PPM1H: variants seen among roughly 807,000 people sequenced by gnomAD.
The protein encoded by PPM1H is protein phosphatase, Mg2+/Mn2+ dependent 1H.
Under a neutral mutation model 54.9 loss-of-function variants are expected in PPM1H, and 27 were observed. The observed-to-expected ratio is 0.49, with a 90% CI of 0.36 to 0.68. PPM1H has a LOEUF of 0.68. Among genes scored for constraint, PPM1H ranks in the 30% least tolerant of loss-of-function variants. The pLI is 0.00. For missense variants in PPM1H, 596 were observed against 667.8 expected (o/e 0.89, Z 1.19); for synonymous variants, 305 against 270.8 (o/e 1.13, Z -1.24).
chr12:62,752,051 G>A (rs571067603), intron 4 of PPM1H, among the ~76,000 whole-genome samples: 10 of 152,286 alleles, frequency 6.6e-5, no homozygotes, highest in Middle Eastern at 6.8e-3. Flanking sequence ...TTGGGTTTGG[G>A]AGCTGGCTGT....
chr12:62,656,292 T>TACTC (rs1007386765), intron 9 of PPM1H, among the ~76,000 whole-genome samples: 1 of 152,190 alleles, frequency 6.6e-6, no homozygotes, highest in South Asian at 2.1e-4. Flanking sequence ...CCTCTTTCCT[T>TACTC]ACTCAATAAT....
rs116356206 is a variant in PPM1H, at chr12:62,765,299, G to C, written c.869+22927C>G. Reference sequence around the variant, plus strand: ...GGGAGCTGGGCACAGTGGGGTGGAGGCCATGTTTGCTAAATGCCTCTATGT... The same window carrying C: ...GGGAGCTGGGCACAGTGGGGTGGAGCCCATGTTTGCTAAATGCCTCTATGT... On this transcript the variant is annotated intron_variant, in intron 4 of 9. Coordinates refer to ENST00000228705, the MANE Select transcript of PPM1H (RefSeq NM_020700.2). 7.7e-3 allele frequency among the ~76,000 whole-genome samples: 1,170 copies of C among 152,284 alleles called. 16 individuals carry two copies. The highest frequency in any genetic ancestry group is 0.027 in the African/African-American group (1,119 of 41,550).
intron 1 of PPM1H, among the ~76,000 whole-genome samples, chr12:62,867,044 C>T (rs1284909915): frequency 1.3e-5 from 2 of 152,090 alleles, no homozygotes; most frequent in East Asian, 1.9e-4. Flanking sequence ...TTTCCTGTGG[C>T]TCATTCACAA....
chr12:62,889,786 C>T (rs985597593), intron 1 of PPM1H, among the ~76,000 whole-genome samples: 3 of 152,106 alleles, frequency 2.0e-5, no homozygotes, highest in East Asian at 1.9e-4. Flanking sequence ...TGAAATGAAT[C>T]GCAAACCTAA....
intron 1 of PPM1H, among the ~76,000 whole-genome samples, chr12:62,911,109 G>A (rs914378214): frequency 1.3e-5 from 2 of 152,158 alleles, no homozygotes; most frequent in African/African-American, 4.8e-5. Context: ...AACCTGAAAA[G>A]CTAGAAGTAA....
chr12:62,801,762 C>T, intron 3 of PPM1H, 54 bp downstream of exon 3: 1 of 1,584,778 alleles, frequency 6.3e-7, no homozygotes, highest in Non-Finnish European at 8.6e-7. Flanking sequence ...GACGGACAGA[C>T]CTGGCGCAGG....
chr12:62,916,664 T>C (rs1050946056), intron 1 of PPM1H, among the ~76,000 whole-genome samples: 1 of 152,008 alleles, frequency 6.6e-6, no homozygotes, highest in Admixed American at 6.6e-5. Flanking sequence ...GAGCATACTG[T>C]TTTAAATGAA....
intron 4 of PPM1H, among the ~76,000 whole-genome samples, chr12:62,771,174 C>T (rs749318723): frequency 1.3e-5 from 2 of 149,122 alleles, no homozygotes; most frequent in African/African-American, 5.0e-5. Context: ...TTAGAGACAA[C>T]CATTGCTTGC....
At chr12:62,648,980 A>G (rs751488947) in intron 9 of PPM1H, among the ~76,000 whole-genome samples, 1 of 152,226 alleles carries the variant, frequency 6.6e-6, no homozygotes, top group Non-Finnish European at 1.5e-5. Context: ...GCTTTCCATG[A>G]CAAATGGTAT....
intron 8 of PPM1H, among the ~76,000 whole-genome samples, chr12:62,673,714 TC>T (rs1475599964): frequency 4.3e-5 from 5 of 115,336 alleles, no homozygotes; most frequent in African/African-American, 1.8e-4. Flanking sequence ...GAAGAGCCAC[TC>T]TTTTTTTTTT....
chr12:62,746,236 A>T (rs1022413127), intron 4 of PPM1H, among the ~76,000 whole-genome samples: 2 of 152,108 alleles, frequency 1.3e-5, no homozygotes, highest in African/African-American at 4.8e-5. Flanking sequence ...AACAGGTGTG[A>T]TCTTCCCCTG....
chr12:62,873,034 A>G (rs1024989320), intron 1 of PPM1H, among the ~76,000 whole-genome samples: 2 of 152,186 alleles, frequency 1.3e-5, no homozygotes, highest in African/African-American at 4.8e-5. Flanking sequence ...TTTCTATTTT[A>G]TAATAAGGAA....
At chr12:62,904,898 T>C (rs1871262155) in intron 1 of PPM1H, among the ~76,000 whole-genome samples, 1 of 152,226 alleles carries the variant, frequency 6.6e-6, no homozygotes, top group Admixed American at 6.5e-5. Flanking sequence ...CCATTTTTTT[T>C]TCAGCTCTGA....
intron 6 of PPM1H, among the ~76,000 whole-genome samples, chr12:62,697,868 G>A (rs918070010): frequency 6.6e-6 from 1 of 151,970 alleles, no homozygotes; most frequent in Non-Finnish European, 1.5e-5. Flanking sequence ...AAAACTGAAA[G>A]GCTTAGGAAA....
intron 4 of PPM1H, among the ~76,000 whole-genome samples, chr12:62,764,327 TA>T (rs999662343): frequency 4.6e-5 from 7 of 152,236 alleles, no homozygotes; most frequent in African/African-American, 1.7e-4. Flanking sequence ...AGGTATGCCC[TA>T]AATTAGTGAG....
intron 3 of PPM1H, among the ~76,000 whole-genome samples, chr12:62,794,507 C>A (rs1294038786): frequency 6.6e-6 from 1 of 152,104 alleles, no homozygotes; most frequent in African/African-American, 2.4e-5. Context: ...TTGCCATTTT[C>A]TTCCCTTCCT....
intron 4 of PPM1H, among the ~76,000 whole-genome samples, chr12:62,774,351 C>T (rs1282999588): frequency 7.6e-6 from 1 of 131,626 alleles, no homozygotes; most frequent in Non-Finnish European, 1.5e-5. Context: ...CTCTGGAAAC[C>T]TTTCTTTCTT....
intron 8 of PPM1H, among the ~76,000 whole-genome samples, chr12:62,677,291 T>G (rs1200517075): frequency 6.6e-6 from 1 of 152,216 alleles, no homozygotes; most frequent in East Asian, 1.9e-4. Context: ...ACCCACTGAA[T>G]GGCGGGACTG....
At position 62,879,609 on chromosome 12, in the gene PPM1H, T is replaced by C. The variant is rs201483361; in HGVS notation, c.246-47330A>G. 2.6e-5 allele frequency among the ~76,000 whole-genome samples: 4 copies of C among 151,936 alleles called. No individual in the cohort carries two copies. In the East Asian group the frequency reaches 7.7e-4, roughly 29 times the overall value. On this transcript the variant is annotated intron_variant, in intron 1 of 9. Transcript: ENST00000228705. ...GGGGAACATCCCACACTGGGGCCTG[T>C]TGGGGTACGGGAGGTTGGGGGAGGG...
Sources: gnomAD v4.1 joint callset for allele counts (sites outside exome capture counted in the v4.1 genomes callset) on GRCh38, gnomAD v4.1.1 for gene constraint, MANE v1.5 for transcripts, NCBI Gene and HGNC (gene_info 2026-07-23, HGNC 2026-07-21) for gene names.